The following MCPH1 variants were observed in gnomAD, a reference collection of about 807,000 sequenced individuals.
MCPH1 encodes the protein microcephalin.
Under a neutral mutation model 84.5 loss-of-function variants are expected in MCPH1, and 104 were observed. That is an observed-to-expected ratio of 1.23 (90% CI 1.05 to 1.45). The LOEUF (loss-of-function observed/expected upper bound fraction) is 1.45, where lower values mean the gene tolerates loss of function less well. MCPH1 is among the 40% of genes most tolerant of loss of function. The pLI is 0.00. For missense variants in MCPH1, 1,498 were observed against 1,005.7 expected, an observed-to-expected ratio of 1.49 and a Z score of -6.62; for synonymous variants, 514 against 366.8, an observed-to-expected ratio of 1.40 and a Z score of -4.58.
At chr8:6,413,250 A>C (rs1477132762) in intron 2 of MCPH1, among the ~76,000 whole-genome samples, 2 of 77,894 alleles carry the variant, frequency 2.6e-5, no homozygotes, top group Non-Finnish European at 5.2e-5. Context: ...GCTGTTGATA[A>C]GACTGATTCA....
chr8:6,592,623 G>GTTTTTTTTTTTTTTTTTTTTTTTTCT (rs573651366), intron 12 of MCPH1, among the ~76,000 whole-genome samples: 1 of 77,558 alleles, frequency 1.3e-5, no homozygotes, highest in Non-Finnish European at 2.3e-5. Flanking sequence ...TCTTTTTTTT[G>GTTTTTTTTTTTTTTTTTTTTTTTTCT]TTTTTTTTTT....
chr8:6,473,806 C>A (rs1303148502), intron 9 of MCPH1: 1 of 1,169,078 alleles, frequency 8.6e-7, no homozygotes, highest in Non-Finnish European at 1.2e-6. Context: ...AGAGAGATAT[C>A]AGCAAGAGTG....
intron 12 of MCPH1, among the ~76,000 whole-genome samples, chr8:6,542,797 G>C (rs762520871): frequency 1.3e-5 from 2 of 152,078 alleles, no homozygotes; most frequent in Non-Finnish European, 2.9e-5. Flanking sequence ...GAAGTGGGCA[G>C]TTTTTTTCTT....
intron 12 of MCPH1, among the ~76,000 whole-genome samples, chr8:6,610,931 AT>A (rs1459153979): frequency 6.6e-6 from 1 of 152,140 alleles, no homozygotes; most frequent in African/African-American, 2.4e-5. Flanking sequence ...TGAACTGCAA[AT>A]TTAGCAGAAA....
chr8:6,465,417 C>G (rs537732852), intron 9 of MCPH1, among the ~76,000 whole-genome samples: 1 of 152,310 alleles, frequency 6.6e-6, no homozygotes, highest in South Asian at 2.1e-4. Flanking sequence ...ACCCCGTCCT[C>G]GGACGCCTGG....
chr8:6,519,259 G>C (rs1011153367), intron 12 of MCPH1, among the ~76,000 whole-genome samples: 1 of 152,142 alleles, frequency 6.6e-6, no homozygotes, highest in Non-Finnish European at 1.5e-5. Flanking sequence ...GGTTGAAACT[G>C]TTTTCACGAT....
At chr8:6,436,727 T>C (rs983131175) in intron 5 of MCPH1, among the ~76,000 whole-genome samples, 6 of 151,934 alleles carry the variant, frequency 3.9e-5, no homozygotes, top group African/African-American at 1.4e-4. Context: ...CCCAGCACTT[T>C]GGGAGGCAGA....
rs1177980936 is a variant in MCPH1, at chr8:6,643,967, G to A, written c.*918G>A. On this transcript the variant is annotated 3_prime_UTR_variant, in exon 14 of 14. Coordinates refer to ENST00000344683, the MANE Select transcript of MCPH1 (RefSeq NM_024596.5). ...GGCTGATTCACAGAAACACCGATTT[G>A]TGGCTGAGCACGGTGGCTCACACCT... is the stretch of plus-strand genomic sequence containing the variant. 2 of 152,218 alleles carry A rather than the reference G, an allele frequency of 1.3e-5. No homozygotes were observed. The highest frequency in any genetic ancestry group is 2.1e-4 in the South Asian group (1 of 4,826). 9.4% of individuals were successfully genotyped at this position (152,218 alleles called of 1,614,324 possible).
intron 3 of MCPH1, among the ~76,000 whole-genome samples, chr8:6,420,106 C>G (rs1799948405): frequency 6.6e-6 from 1 of 151,362 alleles, no homozygotes; most frequent in East Asian, 1.9e-4. Context: ...TCTATAGGAT[C>G]CTTAAATGTT....
intron 11 of MCPH1, among the ~76,000 whole-genome samples, chr8:6,484,956 C>G (rs1399961195): frequency 6.6e-6 from 1 of 152,146 alleles, no homozygotes; most frequent in East Asian, 1.9e-4. Flanking sequence ...GTTACAGAAT[C>G]CATGTATTAA....
chr8:6,505,391 G>A (rs1422969019), intron 12 of MCPH1, among the ~76,000 whole-genome samples: 1,977 of 47,406 alleles, frequency 0.042, 146 homozygotes, highest in African/African-American at 0.059. Flanking sequence ...CTTTCTATAT[G>A]TATATAGAAT....
At chr8:6,624,674 G>C (rs1475919186) in intron 13 of MCPH1, among the ~76,000 whole-genome samples, 1 of 151,978 alleles carries the variant, frequency 6.6e-6, no homozygotes, top group Non-Finnish European at 1.5e-5. Flanking sequence ...TAATAGACAA[G>C]TAGATTTTTT....
At chr8:6,639,912 T>G (rs1263128071) in intron 13 of MCPH1, among the ~76,000 whole-genome samples, 1 of 152,148 alleles carries the variant, frequency 6.6e-6, no homozygotes, top group Non-Finnish European at 1.5e-5. Context: ...TGTATTTACT[T>G]ATTTATTTTA....
chr8:6,623,182 C>A (rs1831653734), intron 13 of MCPH1, among the ~76,000 whole-genome samples: 1 of 151,908 alleles, frequency 6.6e-6, no homozygotes, highest in South Asian at 2.1e-4. Flanking sequence ...TTGTCTTTTT[C>A]AAGGCCCCAT....
chr8:6,511,644 T>C (rs1815123222), intron 12 of MCPH1, among the ~76,000 whole-genome samples: 1 of 152,218 alleles, frequency 6.6e-6, no homozygotes, highest in Admixed American at 6.5e-5. Flanking sequence ...TCTCTTATCA[T>C]GCTAGCATCA....
intron 12 of MCPH1, among the ~76,000 whole-genome samples, chr8:6,603,785 A>G (rs192142656): frequency 6.8e-4 from 104 of 152,340 alleles, no homozygotes; most frequent in Admixed American, 2.2e-3. Flanking sequence ...TGCCACTTGC[A>G]TTCTCTGAAC....
At chr8:6,484,980 G>A (rs1158747391) in intron 11 of MCPH1, among the ~76,000 whole-genome samples, 5 of 152,156 alleles carry the variant, frequency 3.3e-5, no homozygotes, top group African/African-American at 4.8e-5. Context: ...ACAGAGAACT[G>A]TACACACATA....
At chr8:6,517,860 G>A (rs2442625) in intron 12 of MCPH1, among the ~76,000 whole-genome samples, 1 of 152,160 alleles carries the variant, frequency 6.6e-6, no homozygotes, top group South Asian at 2.1e-4. Flanking sequence ...CTTAAGTCTG[G>A]AAGGGAATTT....
rs572483035 is a variant in MCPH1, at chr8:6,643,347, C to T, written c.*298C>T. 8 of 398,512 alleles carry T rather than the reference C, an allele frequency of 2.0e-5. No homozygotes were observed. Among genetic ancestry groups the T allele is most frequent in the African/African-American group, 1.6e-4 (8 of 48,980 alleles). The allele number at this position is 398,512 out of a possible 1,614,324, so 24.7% of individuals were successfully genotyped here. A position where few individuals can be genotyped will look rare whatever the true frequency, so the allele number is the denominator to read the frequency against. On this transcript the variant is annotated 3_prime_UTR_variant, in exon 14 of 14. Coordinates refer to ENST00000344683, the MANE Select transcript of MCPH1 (RefSeq NM_024596.5). ...TGGCACAATCTCGGCTCACTGCAAC[C>T]TCCACCTCCCAGGTTCAAGCGATTC...
Sources: allele counts gnomAD v4.1 joint callset (sites outside exome capture counted in the v4.1 genomes callset), GRCh38; gene constraint gnomAD v4.1.1; transcripts MANE v1.5; gene names NCBI Gene and HGNC (gene_info 2026-07-23, HGNC 2026-07-21).